The following SAFB2 variants were observed in gnomAD, a reference collection of about 807,000 sequenced individuals.
SAFB2 encodes the protein scaffold attachment factor B2.
SAFB2 carries 32 observed loss-of-function variants against 100.6 expected under a neutral mutation model. The ratio of observed to expected loss-of-function variants is 0.32; its 90% confidence interval spans 0.24 to 0.43. SAFB2 has a LOEUF of 0.43. Ranked by LOEUF, SAFB2 falls within the 20% of genes least tolerant of loss-of-function variation. SAFB2 has a pLI of 1.00. For missense variants in SAFB2, 1,185 were observed against 1,163.4 expected (o/e 1.02, Z -0.27); for synonymous variants, 500 against 439.4 (o/e 1.14, Z -1.72).
At chr19:5,621,442 G>GCA (rs2053143323) in intron 1 of SAFB2, 46 bp from the exon 2 acceptor site, 1 of 1,191,612 alleles carries the variant, frequency 8.4e-7, no homozygotes, top group Admixed American at 1.7e-5. Context: ...GAGCTGCAGG[G>GCA]CACACACTGT....
intron 11 of SAFB2, among the ~76,000 whole-genome samples, chr19:5,601,180 A>G (rs1436334289): frequency 2.0e-5 from 3 of 152,116 alleles, no homozygotes; most frequent in Non-Finnish European, 2.9e-5. Flanking sequence ...TTTGAGAAAA[A>G]TTTTAAATAC....
chr19:5,594,519 CA>C (rs2052494703), intron 14 of SAFB2, among the ~76,000 whole-genome samples: 1 of 152,168 alleles, frequency 6.6e-6, no homozygotes, highest in African/African-American at 2.4e-5. Context: ...GGCAGAGGGA[CA>C]AGCCTCCTTC....
At chr19:5,591,837 T>C in intron 16 of SAFB2, 44 bp from the exon 17 acceptor site, 1 of 1,604,552 alleles carries the variant, frequency 6.2e-7, no homozygotes, top group Non-Finnish European at 8.5e-7. Context: ...CAGGCACGAC[T>C]ACACATTTCT....
At chr19:5,603,951 C>T (rs933271882) in intron 11 of SAFB2, among the ~76,000 whole-genome samples, 4 of 152,172 alleles carry the variant, frequency 2.6e-5, no homozygotes, top group Admixed American at 1.3e-4. Flanking sequence ...GAAATGATTC[C>T]AAGGTCTGAG....
At position 5,604,948 on chromosome 19, in the gene SAFB2, A is replaced by G; in HGVS notation, c.1297-12T>C. 1 of 1,610,846 alleles carries G rather than the reference A, an allele frequency of 6.2e-7. No homozygotes were observed. The highest frequency in any genetic ancestry group is 8.5e-7 in the Non-Finnish European group (1 of 1,179,722). On this transcript the variant is annotated splice_polypyrimidine_tract_variant and intron_variant, in intron 9 of 20. Coordinates refer to ENST00000252542, the MANE Select transcript of SAFB2 (RefSeq NM_014649.3). ...TTGGCCCCGACAACCTTCATGAAAA[A>G]GGGCACTCTTACTCTCTCATACAAA...
rs189249796 is a variant in SAFB2, at chr19:5,610,121, C to T, written c.1196-26G>A. The T allele has an allele frequency of 1.1e-5, 17 of 1,595,696 alleles. No homozygotes were observed. In the African/African-American group the frequency reaches 2.1e-4, roughly 20 times the overall value. On this transcript the variant is annotated intron_variant, in intron 8 of 20. Transcript: ENST00000252542. ...CTGGCACGAGAGGGAGATTCTTAGG[C>T]ATCACCCCAAGGCCTAACAGGAAGC...
At position 5,598,894 on chromosome 19, in the gene SAFB2, A is replaced by G; in HGVS notation, c.1691-10T>C. On this transcript the variant is annotated splice_polypyrimidine_tract_variant and intron_variant, in intron 12 of 20. Coordinates refer to ENST00000252542, the MANE Select transcript of SAFB2 (RefSeq NM_014649.3). ...TCCATTCCTCTGCTTCCTTCAGGAA[A>G]AAACACAACAAACTATCAAAACCTG... 1 of 1,613,692 alleles carries G rather than the reference A, an allele frequency of 6.2e-7. No individual in the cohort carries two copies. Among genetic ancestry groups the G allele is most frequent in the Non-Finnish European group, 8.5e-7 (1 of 1,179,730 alleles).
intron 13 of SAFB2, among the ~76,000 whole-genome samples, chr19:5,598,257 G>A (rs2145327973): frequency 6.6e-6 from 1 of 152,108 alleles, no homozygotes; most frequent in East Asian, 1.9e-4. Context: ...AGAACCTGCA[G>A]CTGGGAAGCA....
chr19:5,591,958 C>T (rs1006128025), intron 16 of SAFB2, among the ~76,000 whole-genome samples, 165 bp from the exon 17 acceptor site: 79 of 152,156 alleles, frequency 5.2e-4, no homozygotes, highest in African/African-American at 1.8e-3. Context: ...AGGCTTTTCC[C>T]CGGGGGCAGA....
intron 17 of SAFB2, among the ~76,000 whole-genome samples, chr19:5,590,685 A>G (rs117434609): frequency 0.014 from 2,206 of 152,182 alleles, 31 homozygotes; most frequent in Admixed American, 0.02. Flanking sequence ...TCTGCTCAAG[A>G]TCCACTAAGA....
intron 2 of SAFB2, among the ~76,000 whole-genome samples, chr19:5,619,214 C>G (rs1038251598): frequency 6.6e-6 from 1 of 152,148 alleles, no homozygotes; most frequent in African/African-American, 2.4e-5. Context: ...CCACGTGCCC[C>G]GACACCTCTA....
chr19:5,617,954 G>A (rs2053066878), intron 2 of SAFB2, among the ~76,000 whole-genome samples: 1 of 152,114 alleles, frequency 6.6e-6, no homozygotes, highest in African/African-American at 2.4e-5. Context: ...ACAAGTTCGG[G>A]CAACAAAGTG....
In SAFB2 at chr19:5,616,230, C is replaced by G; in HGVS notation, c.445G>C (p.Glu149Gln). The G allele has an allele frequency of 6.2e-7, 1 of 1,614,210 alleles. No homozygotes were observed. The highest frequency in any genetic ancestry group is 1.1e-5 in the South Asian group (1 of 91,084). ...VANSSAPDFG[E>Q]DGTDGLLDSF... ...TCGAGAAGGCCGTCCGTGCCATCCT[C>G]CCCAAAATCTGGAGCACTGCTATTC... The change falls in exon 4 of 21, where the codon GAG becomes CAG. Residue 149 changes from glutamate to glutamine, a missense_variant. Glu to Gln is a conservative substitution (Grantham distance 29). This residue lies in a region of SAFB2 where 351 missense variants were observed against 341.2 expected (regional missense o/e 1.03). Transcript: ENST00000252542.
At chr19:5,597,341 GA>G (rs2052554449) in intron 13 of SAFB2, among the ~76,000 whole-genome samples, 1 of 152,024 alleles carries the variant, frequency 6.6e-6, no homozygotes, top group South Asian at 2.1e-4. Flanking sequence ...CAAGGCGAGA[GA>G]ATCACTTGAA....
In SAFB2 at chr19:5,605,081, A is replaced by G; in HGVS notation, c.1297-145T>C. 9 of 944,790 alleles carry G rather than the reference A, an allele frequency of 9.5e-6. No individual in the cohort carries two copies. In the East Asian group the frequency reaches 2.0e-4, roughly 21 times the overall value. The allele number at this position is 944,790 out of a possible 1,614,324, so 58.5% of individuals were successfully genotyped here. Reference sequence around the variant, plus strand: ...CCATTTTAGTTACTGAATTGGTTCTAATTAATCCTGACCTATCCAAATACA... The same window carrying G: ...CCATTTTAGTTACTGAATTGGTTCTGATTAATCCTGACCTATCCAAATACA... On this transcript the variant is annotated intron_variant, in intron 9 of 20. Transcript: ENST00000252542.
In SAFB2 at chr19:5,610,635, A is replaced by C; in HGVS notation, c.1195+4T>G. 6.4e-7 allele frequency: 1 copy of C among 1,566,236 alleles called. No homozygotes were observed. Among genetic ancestry groups the C allele is most frequent in the Non-Finnish European group, 8.8e-7 (1 of 1,142,446 alleles). ...GCTCCCTACCACGTTAAATTAAATC[A>C]TACCTTTTTCATCTTTAATGATTGG... On this transcript the variant is annotated splice_donor_region_variant and intron_variant, in intron 8 of 20. Transcript: ENST00000252542.
rs1406641384 is a variant in SAFB2 at position 5,590,297 on chromosome 19, C to T, written c.2506G>A (p.Gly836Arg). 6 of 1,603,172 alleles carry T rather than the reference C, an allele frequency of 3.7e-6. No homozygotes were observed. ...GSDKRLSEGR[G>R]LPPPPRGGRD... Reference sequence around the variant, plus strand: ...ACTAACCTGGGGGGAGGGGGCAGCCCCCGGCCTTCACTCAGCCTCTTGTCG... The same window carrying T: ...ACTAACCTGGGGGGAGGGGGCAGCCTCCGGCCTTCACTCAGCCTCTTGTCG... The change falls in exon 18 of 21, where the codon GGG (glycine) becomes AGG (arginine). Residue 836 changes from glycine (G) to arginine (R), a missense_variant. Around this residue, in one of 3 missense-constraint regions of SAFB2, gnomAD observed 740 missense variants for 687.1 expected, o/e 1.08. Coordinates refer to ENST00000252542, the MANE Select transcript of SAFB2 (RefSeq NM_014649.3).
At chr19:5,601,858 A>C (rs528990820) in intron 11 of SAFB2, among the ~76,000 whole-genome samples, 15 of 152,304 alleles carry the variant, frequency 9.8e-5, no homozygotes, top group African/African-American at 3.6e-4. Flanking sequence ...CCAGTAGATA[A>C]ATATATATGC....
At chr19:5,589,379 G>A (rs1336516854) in intron 18 of SAFB2, among the ~76,000 whole-genome samples, 1 of 152,164 alleles carries the variant, frequency 6.6e-6, no homozygotes, top group African/African-American at 2.4e-5. Context: ...ACTCGGCACA[G>A]CACCGAGTCA....
Sources: gnomAD v4.1 joint callset for allele counts (sites outside exome capture counted in the v4.1 genomes callset) on GRCh38, gnomAD v4.1.1 for gene constraint, gnomAD v4.1.1 regional missense constraint, MANE v1.5 for transcripts, NCBI Gene and HGNC (gene_info 2026-07-23, HGNC 2026-07-21) for gene names.